PLAA: variants seen among roughly 807,000 people sequenced by gnomAD.
PLAA encodes the protein phospholipase A2 activating protein.
PLAA carries 48 observed loss-of-function variants against 84.1 expected under a neutral mutation model. The observed-to-expected ratio is 0.57, with a 90% CI of 0.45 to 0.73. PLAA has a LOEUF of 0.73. Among genes scored for constraint, PLAA ranks in the 30% least tolerant of loss-of-function variants. The pLI, the probability that PLAA is intolerant of heterozygous loss-of-function variation, is 0.00. For missense variants in PLAA, 903 were observed against 954.7 expected, an observed-to-expected ratio of 0.95 and a Z score of 0.71; for synonymous variants, 392 against 336.6, an observed-to-expected ratio of 1.16 and a Z score of -1.80.
intron 11 of PLAA, among the ~76,000 whole-genome samples, chr9:26,911,229 T>G (rs1417622108): frequency 1.3e-5 from 2 of 152,174 alleles, no homozygotes; most frequent in East Asian, 1.9e-4. Flanking sequence ...CTCGGCTCAC[T>G]GCAATCTCCA....
intron 2 of PLAA, among the ~76,000 whole-genome samples, chr9:26,932,978 C>T (rs574281889): frequency 6.6e-6 from 1 of 151,878 alleles, no homozygotes; most frequent in East Asian, 1.9e-4. Context: ...CTACTAAAAA[C>T]ACAAAAATGG....
chr9:26,941,622 C>CA (rs749591385), intron 1 of PLAA, among the ~76,000 whole-genome samples: 4 of 152,088 alleles, frequency 2.6e-5, no homozygotes, highest in Non-Finnish European at 4.4e-5. Context: ...TGGAGGAAAA[C>CA]AGACCATTAA....
intron 13 of PLAA, 141 bp downstream of exon 13, chr9:26,907,692 AC>A (rs770905077): frequency 4.0e-4 from 261 of 655,378 alleles, no homozygotes; most frequent in Non-Finnish European, 3.9e-4. Context: ...AGTGTAGTGA[AC>A]CCTTTTCGTG....
chr9:26,913,839 T>C (rs1331671799), intron 11 of PLAA, 40 bp downstream of exon 11: 1 of 1,420,880 alleles, frequency 7.0e-7, no homozygotes, highest in South Asian at 1.3e-5. Context: ...AACGAATTTT[T>C]AAAATCTAAA....
intron 1 of PLAA, among the ~76,000 whole-genome samples, chr9:26,943,998 T>C (rs1825616174): frequency 1.3e-5 from 2 of 152,046 alleles, no homozygotes; most frequent in South Asian, 4.1e-4. Flanking sequence ...CCTGAACGTG[T>C]CCCCCAAAGT....
intron 5 of PLAA, 27 bp from the exon 6 acceptor site, chr9:26,925,987 T>C: frequency 1.9e-6 from 3 of 1,586,178 alleles, no homozygotes; most frequent in Non-Finnish European, 1.7e-6. Context: ...TAGGAAGTAT[T>C]AGTTTGAATA....
chr9:26,925,839 A>T lies in PLAA; in HGVS notation c.855T>A (p.Ile285=). ...AATATAAATACCTCGCACCAACCAC[A>T]ATGTCACCATTGTCGAGCACACAGC... ...WCCCVLDNGD[I]VVGASDGIIR... is the part of the protein sequence containing the mutation. The change falls in exon 6 of 14, where the codon ATT becomes ATA. Residue 285 remains isoleucine (I), a synonymous_variant. Transcript: ENST00000397292. 6.2e-7 allele frequency: 1 copy of T among 1,613,994 alleles called. No homozygotes were observed. Among genetic ancestry groups the T allele is most frequent in the Non-Finnish European group, 8.5e-7 (1 of 1,179,952 alleles).
At chr9:26,907,591 CA>C in intron 13 of PLAA, 2 of 413,142 alleles carry the variant, frequency 4.8e-6, no homozygotes, top group Non-Finnish European at 8.5e-6. Context: ...ACAACAACAA[CA>C]AAAAAACAAA....
intron 12 of PLAA, among the ~76,000 whole-genome samples, chr9:26,909,450 A>G (rs57890470): frequency 0.08 from 11,174 of 138,998 alleles, 463 homozygotes; most frequent in Middle Eastern, 0.17. Flanking sequence ...ATACTCTGGT[A>G]AGTATGTTAC....
intron 1 of PLAA, among the ~76,000 whole-genome samples, chr9:26,940,953 A>G (rs1485487483): frequency 6.6e-6 from 1 of 152,154 alleles, no homozygotes; most frequent in African/African-American, 2.4e-5. Context: ...TATGTAAACC[A>G]CTAAATCTAC....
At chr9:26,919,098 T>C (rs1824668584) in intron 9 of PLAA, 1 of 412,796 alleles carries the variant, frequency 2.4e-6, no homozygotes, top group Non-Finnish European at 4.3e-6. Context: ...TATAGTATGA[T>C]TGTATTTTTG....
At chr9:26,914,283 A>C (rs1028605918) in intron 10 of PLAA, among the ~76,000 whole-genome samples, 1 of 152,242 alleles carries the variant, frequency 6.6e-6, no homozygotes, top group Non-Finnish European at 1.5e-5. Flanking sequence ...TAACTAGCAC[A>C]TAAGACAATT....
rs12343386 is a variant in PLAA, at chr9:26,932,564, G to A, written c.343+2449C>T. On this transcript the variant is annotated intron_variant, in intron 2 of 13. Transcript: ENST00000397292. ...TGAGAGCAACCATATGGCCTGAAAA[G>A]CAGAAAATTTATTTACTATCTGATC... Among the ~76,000 whole-genome samples the A allele has an allele frequency of 9.1e-3, 1,392 of 152,242 alleles. 16 individuals carry two copies. The highest frequency in any genetic ancestry group is 0.031 in the African/African-American group (1,296 of 41,534).
At position 26,905,822 on chromosome 9, in the gene PLAA, C is replaced by G. The variant is rs1255952219; in HGVS notation, c.2077G>C (p.Gly693Arg). The stretch of plus-strand genomic sequence containing the variant: ...GCAATGTGAATGTTCTTATTGCTCC[C>G]TGATTTCAGTTCTATTGCATGGGAC... ...LMSHAIELKS[G>R]SNKNIHIALA... The change falls in exon 14 of 14, where the codon GGG (glycine) becomes CGG (arginine). Residue 693 changes from glycine (G) to arginine (R), a missense_variant. Gly to Arg is a moderately radical substitution (Grantham distance 125). Coordinates refer to ENST00000397292, the MANE Select transcript of PLAA (RefSeq NM_001031689.3). 6.2e-7 allele frequency: 1 copy of G among 1,614,184 alleles called. No individual in the cohort carries two copies. The highest frequency in any genetic ancestry group is 1.3e-5 in the African/African-American group (1 of 75,054).
chr9:26,909,455 T>C (rs1824331939), intron 12 of PLAA, among the ~76,000 whole-genome samples: 1 of 152,204 alleles, frequency 6.6e-6, no homozygotes, highest in Non-Finnish European at 1.5e-5. Context: ...CTGGTAAGTA[T>C]GTTACGTTAT....
Position 26,947,124 on chromosome 9 carries a change from C to G in PLAA, c.-79G>C. 7.2e-7 allele frequency: 1 copy of G among 1,387,398 alleles called. No homozygotes were observed. Among genetic ancestry groups the G allele is most frequent in the Non-Finnish European group, 9.4e-7 (1 of 1,067,376 alleles). The allele number at this position is 1,387,398 out of a possible 1,614,324, so 85.9% of individuals were successfully genotyped here. ...AGGGGCGACTCGGAGAGCGCCGGGC[C>G]GCGGCGGGAGAAGAGCCTGCAGGTA... On this transcript the variant is annotated 5_prime_UTR_variant, in exon 1 of 14. Transcript: ENST00000397292.
At chr9:26,913,800 A>T in intron 11 of PLAA, 79 bp downstream of exon 11, 1 of 1,027,464 alleles carries the variant, frequency 9.7e-7, no homozygotes, top group Non-Finnish European at 1.4e-6. Context: ...AAATGACACA[A>T]ATTTTCTTAC....
chr9:26,910,850 A>T (rs937489048), intron 11 of PLAA, among the ~76,000 whole-genome samples: 2 of 152,078 alleles, frequency 1.3e-5, no homozygotes, highest in African/African-American at 4.8e-5. Flanking sequence ...TATAAATTTT[A>T]AAAAAGTCAA....
At chr9:26,925,793 T>A (rs1824931477) in intron 6 of PLAA, 32 bp downstream of exon 6, 2 of 1,606,434 alleles carry the variant, frequency 1.2e-6, no homozygotes, top group South Asian at 2.2e-5. Flanking sequence ...CCTAGACATA[T>A]AACATTTAAT....
Sources: gnomAD v4.1 joint callset for allele counts (sites outside exome capture counted in the v4.1 genomes callset) on GRCh38, gnomAD v4.1.1 for gene constraint, MANE v1.5 for transcripts, NCBI Gene and HGNC (gene_info 2026-07-23, HGNC 2026-07-21) for gene names.